MAP4K5: variants seen among roughly 807,000 people sequenced by gnomAD.
MAP4K5 encodes mitogen-activated protein kinase kinase kinase kinase 5.
A neutral mutation model predicts 135.6 loss-of-function variants in MAP4K5; 82 were observed. That is an observed-to-expected ratio of 0.60 (90% confidence interval 0.51 to 0.73). The LOEUF (loss-of-function observed/expected upper bound fraction) is 0.73, where lower values mean the gene tolerates loss of function less well. Among genes scored for constraint, MAP4K5 ranks in the 30% least tolerant of loss-of-function variants. The pLI, the probability that MAP4K5 is intolerant of heterozygous loss-of-function variation, is 0.00. For synonymous variants in MAP4K5, 347 were observed against 335.0 expected, an observed-to-expected ratio of 1.04 and a Z score of -0.39; for missense variants, 907 against 1,010.9, an observed-to-expected ratio of 0.90 and a Z score of 1.39.
chr14:50,486,963 A>G, intron 3 of MAP4K5, among the ~76,000 whole-genome samples: 1 of 151,974 alleles, frequency 6.6e-6, no homozygotes, highest in Non-Finnish European at 1.5e-5. Flanking sequence ...CAAGAAGGAA[A>G]AACTCAGCAA....
chr14:50,429,021 C>G (rs919989479), intron 29 of MAP4K5, among the ~76,000 whole-genome samples, 171 bp downstream of exon 29: 1 of 152,070 alleles, frequency 6.6e-6, no homozygotes, highest in African/African-American at 2.4e-5. Context: ...AAATGGCTAC[C>G]TCGGTGCTCA....
Position 50,442,884 on chromosome 14 carries a change from T to TA in MAP4K5, c.1480-69dup, listed in dbSNP as rs2036260137. 3 of 888,858 alleles carry TA rather than the reference T, an allele frequency of 3.4e-6. No homozygotes were observed. The East Asian group carries it at 8.0e-5, about 24-fold the overall frequency. 55.1% of individuals were successfully genotyped at this position (888,858 alleles called of 1,614,324 possible). On this transcript the variant is annotated intron_variant, in intron 20 of 32. Transcript: ENST00000682126. The stretch of plus-strand genomic sequence containing the variant: ...ATTTTATATATTCTTGGAAAATAAC[T>TA]AACATCATTGAAATACCAAATTAAC...
At chr14:50,435,189 G>T in intron 26 of MAP4K5, 124 bp from the exon 27 acceptor site, 1 of 489,154 alleles carries the variant, frequency 2.0e-6, no homozygotes. Flanking sequence ...CTTTTCTTTT[G>T]GCTTCATTGC....
chr14:50,537,434 G>C (rs1039596076), upstream of MAP4K5, among the ~76,000 whole-genome samples: 7 of 152,216 alleles, frequency 4.6e-5, no homozygotes, highest in African/African-American at 7.2e-5. Flanking sequence ...GAAATGTGGG[G>C]TCAGAGCCCC....
At chr14:50,461,543 C>T (rs564522568) in intron 13 of MAP4K5, among the ~76,000 whole-genome samples, 1 of 152,044 alleles carries the variant, frequency 6.6e-6, no homozygotes, top group Non-Finnish European at 1.5e-5. Context: ...AAAAATATAG[C>T]TGTGCTATAG....
chr14:50,554,920 GGTAGAGT>G (rs1437705721), intron 1 of MAP4K5, among the ~76,000 whole-genome samples: 2 of 152,144 alleles, frequency 1.3e-5, no homozygotes, highest in African/African-American at 2.4e-5. Flanking sequence ...CATGGAAGAT[GGTAGAGT>G]GCACCTTTGT....
At chr14:50,550,714 T>G (rs944595422) in intron 1 of MAP4K5, among the ~76,000 whole-genome samples, 2 of 152,084 alleles carry the variant, frequency 1.3e-5, no homozygotes, top group Non-Finnish European at 2.9e-5. Flanking sequence ...CAGACCACAG[T>G]GAAATAAAAC....
intron 14 of MAP4K5, among the ~76,000 whole-genome samples, chr14:50,454,916 G>A (rs561269609): frequency 6.6e-6 from 1 of 151,984 alleles, no homozygotes; most frequent in East Asian, 1.9e-4. Context: ...GTTGTGGGGA[G>A]GGGCAGAGAG....
At chr14:50,504,587 G>T (rs1159627055) in intron 3 of MAP4K5, among the ~76,000 whole-genome samples, 1 of 152,042 alleles carries the variant, frequency 6.6e-6, no homozygotes, top group African/African-American at 2.4e-5. Flanking sequence ...GTGTCAATGT[G>T]TCTTCCAATT....
chr14:50,550,186 G>A lies in MAP4K5; in HGVS notation c.-179-7602C>T, dbSNP rs148684442. The stretch of plus-strand genomic sequence containing the variant: ...AGTGGTCATAGTGCAGATTGCATAG[G>A]CAAGGCTGGAAGCTTACCAATTGGC... On this transcript the variant is annotated intron_variant, in intron 1 of 8. Transcript: ENST00000555216. 2.0e-3 allele frequency among the ~76,000 whole-genome samples: 308 copies of A among 152,308 alleles called. 4 individuals carry two copies. Among genetic ancestry groups the A allele is most frequent in the African/African-American group, 7.2e-3 (299 of 41,554 alleles).
intron 14 of MAP4K5, among the ~76,000 whole-genome samples, chr14:50,451,763 TATACCA>T (rs1185056086): frequency 6.6e-6 from 1 of 152,112 alleles, no homozygotes; most frequent in Non-Finnish European, 1.5e-5. Context: ...AAGCCTCAAC[TATACCA>T]ATGGTTAAAA....
chr14:50,428,508 G>A (rs201548638), intron 30 of MAP4K5, among the ~76,000 whole-genome samples, 154 bp downstream of exon 30: 3 of 152,082 alleles, frequency 2.0e-5, no homozygotes, highest in East Asian at 3.9e-4. Context: ...TGCCCACCTT[G>A]GCCTCCCAAA....
intron 14 of MAP4K5, among the ~76,000 whole-genome samples, chr14:50,451,852 A>G (rs891684086): frequency 6.6e-6 from 1 of 152,310 alleles, no homozygotes. Context: ...AGACAGAAAC[A>G]CTTACCTCCC....
At chr14:50,451,696 T>C (rs1411667801) in intron 14 of MAP4K5, among the ~76,000 whole-genome samples, 3 of 152,104 alleles carry the variant, frequency 2.0e-5, no homozygotes, top group Admixed American at 2.0e-4. Context: ...ATTCTGTCAA[T>C]ATAGGCTTTT....
At chr14:50,468,873 G>T in intron 9 of MAP4K5, 91 bp from the exon 10 acceptor site, 1 of 1,213,250 alleles carries the variant, frequency 8.2e-7, no homozygotes, top group Non-Finnish European at 1.2e-6. Flanking sequence ...TTGTTGGAGG[G>T]AAGGAAGCTG....
intron 9 of MAP4K5, among the ~76,000 whole-genome samples, chr14:50,470,676 ACACACACACAC>A (rs1199870557): frequency 6.6e-6 from 1 of 151,918 alleles, no homozygotes; most frequent in Non-Finnish European, 1.5e-5. Context: ...ACACACACAC[ACACACACACAC>A]ACCTTTTATA....
intron 28 of MAP4K5, among the ~76,000 whole-genome samples, chr14:50,433,964 A>G (rs2036032278): frequency 6.6e-6 from 1 of 152,206 alleles, no homozygotes; most frequent in Admixed American, 6.5e-5. Context: ...AAGGCTCGGA[A>G]GCAACACCTA....
intron 13 of MAP4K5, among the ~76,000 whole-genome samples, chr14:50,462,136 G>C (rs904195698): frequency 6.6e-6 from 1 of 152,098 alleles, no homozygotes; most frequent in Non-Finnish European, 1.5e-5. Flanking sequence ...GCTGGATTTC[G>C]AAGAAGTCCT....
At chr14:50,433,781 C>T (rs2036027391) in intron 28 of MAP4K5, among the ~76,000 whole-genome samples, 1 of 152,170 alleles carries the variant, frequency 6.6e-6, no homozygotes, top group African/African-American at 2.4e-5. Flanking sequence ...TGACCAAATA[C>T]ACCAGCACAA....
Sources: allele counts gnomAD v4.1 joint callset (sites outside exome capture counted in the v4.1 genomes callset), GRCh38; gene constraint gnomAD v4.1.1; transcripts MANE v1.5; gene names NCBI Gene and HGNC (gene_info 2026-07-23, HGNC 2026-07-21).